The following RPH3A variants were observed in gnomAD, a reference collection of about 807,000 sequenced individuals.
The protein encoded by RPH3A is rabphilin-3A.
Under a neutral mutation model 102.2 loss-of-function variants are expected in RPH3A, and 48 were observed. The observed-to-expected ratio is 0.47, with a 90% confidence interval of 0.37 to 0.60. RPH3A has a LOEUF of 0.60. Among genes scored for constraint, RPH3A ranks in the 20% least tolerant of loss-of-function variants. The pLI is 0.00. For synonymous variants in RPH3A, 310 were observed against 324.3 expected (o/e 0.96, Z 0.47); for missense variants, 781 against 910.1 (o/e 0.86, Z 1.83).
chr12:112,757,242 G>A (rs924898674), intron 1 of RPH3A, among the ~76,000 whole-genome samples: 3 of 152,192 alleles, frequency 2.0e-5, no homozygotes, highest in African/African-American at 7.2e-5. Context: ...TTTTCATCGC[G>A]TTCTTTGATA....
rs922400463 is a variant in RPH3A at position 112,898,615 on chromosome 12, C to T, written c.*1835C>T. 2 of 152,404 alleles carry T rather than the reference C, an allele frequency of 1.3e-5. No individual in the cohort carries two copies. Among genetic ancestry groups the T allele is most frequent in the South Asian group, 2.1e-4 (1 of 4,826 alleles). 9.4% of individuals were successfully genotyped at this position (152,404 alleles called of 1,614,324 possible). Reference sequence around the variant, plus strand: ...ATCTTTCCCCATTAGTCCCTGGTGGCACCTACTCTCAGCCCACCTCCCTCA... The same window carrying T: ...ATCTTTCCCCATTAGTCCCTGGTGGTACCTACTCTCAGCCCACCTCCCTCA... On this transcript the variant is annotated 3_prime_UTR_variant, in exon 22 of 22. Coordinates refer to ENST00000389385, the MANE Select transcript of RPH3A (RefSeq NM_001143854.2).
chr12:112,818,208 G>A (rs532914109), intron 2 of RPH3A, among the ~76,000 whole-genome samples: 1 of 151,552 alleles, frequency 6.6e-6, no homozygotes, highest in East Asian at 1.9e-4. Flanking sequence ...GCTGAGGCAG[G>A]AGAATGGCGA....
chr12:112,728,852 A>G (rs896361480), intron 1 of RPH3A, among the ~76,000 whole-genome samples: 1 of 152,208 alleles, frequency 6.6e-6, no homozygotes, highest in Non-Finnish European at 1.5e-5. Context: ...TTCTCTAATG[A>G]AAGTTTGGGA....
chr12:112,871,770 T>C (rs1251719707), intron 10 of RPH3A, among the ~76,000 whole-genome samples: 1 of 149,244 alleles, frequency 6.7e-6, no homozygotes, highest in Non-Finnish European at 1.5e-5. Flanking sequence ...AAACAGTATA[T>C]ATAATATAAA....
At chr12:112,842,479 G>C (rs933288895) in intron 4 of RPH3A, among the ~76,000 whole-genome samples, 3 of 152,178 alleles carry the variant, frequency 2.0e-5, no homozygotes, top group Non-Finnish European at 4.4e-5. Flanking sequence ...ATCCAGGCAG[G>C]GCAGTGCCAG....
intron 1 of RPH3A, among the ~76,000 whole-genome samples, chr12:112,575,933 A>G (rs563594987): frequency 6.6e-6 from 1 of 152,218 alleles, no homozygotes; most frequent in East Asian, 1.9e-4. Context: ...TCCTGACAAT[A>G]TATCCTTTTG....
intron 2 of RPH3A, among the ~76,000 whole-genome samples, chr12:112,803,421 G>A (rs12306175): frequency 0.018 from 2,692 of 152,048 alleles, 75 homozygotes; most frequent in African/African-American, 0.061. Context: ...ACGCTGTGTA[G>A]GCTGCCCTGC....
rs896747880 is a variant in RPH3A at position 112,632,159 on chromosome 12, G to A, written c.-140+56840G>A. 1.1e-4 allele frequency among the ~76,000 whole-genome samples: 16 copies of A among 152,280 alleles called. No individual in the cohort carries two copies. In the South Asian group the frequency reaches 1.5e-3, roughly 14 times the overall value. ...TCTCTCTCTGCCTGCTGCCATCCATGTAAGACGTGACTTGCTCCTCCTTGC... is the reference window on the plus strand; with the variant it reads ...TCTCTCTCTGCCTGCTGCCATCCATATAAGACGTGACTTGCTCCTCCTTGC... On this transcript the variant is annotated intron_variant, in intron 1 of 21. Transcript: ENST00000543106.
rs370996656 is a variant in RPH3A at position 112,861,639 on chromosome 12, C to T, written c.231-3775C>T. ...GTGTAACTGGCATAAACCACTTAATCTTTCTGTGTCTCAGTTTTCTCATGT... is the reference window on the plus strand; with the variant it reads ...GTGTAACTGGCATAAACCACTTAATTTTTCTGTGTCTCAGTTTTCTCATGT... On this transcript the variant is annotated intron_variant, in intron 5 of 21. Transcript: ENST00000389385. Among the ~76,000 whole-genome samples, 5 of 152,326 alleles carry T rather than the reference C, an allele frequency of 3.3e-5. No homozygotes were observed. In the South Asian group the frequency reaches 1.0e-3, roughly 32 times the overall value.
At position 112,898,203 on chromosome 12, in the gene RPH3A, T is replaced by C. The variant is rs368697368; in HGVS notation, c.*1423T>C. 214 of 152,288 alleles carry C rather than the reference T, an allele frequency of 1.4e-3. 2 individuals are homozygous for C. Among genetic ancestry groups the C allele is most frequent in the African/African-American group, 5.1e-3 (210 of 41,552 alleles). The allele number at this position is 152,288 out of a possible 1,614,324, so 9.4% of individuals were successfully genotyped here. A position where few individuals can be genotyped will look rare whatever the true frequency, so the allele number is the denominator to read the frequency against. On this transcript the variant is annotated 3_prime_UTR_variant, in exon 22 of 22. Coordinates refer to ENST00000389385, the MANE Select transcript of RPH3A (RefSeq NM_001143854.2). ...TTGGGCTCATCATCAATCTTTCACT[T>C]TCTTCCTATAAAAAAAATTATTTTA...
At chr12:112,605,298 C>T (rs2039587122) in intron 1 of RPH3A, among the ~76,000 whole-genome samples, 1 of 152,144 alleles carries the variant, frequency 6.6e-6, no homozygotes, top group Non-Finnish European at 1.5e-5. Context: ...TGGCTTGAAT[C>T]CGGGAGGCAG....
At chr12:112,816,594 C>T (rs769533001) in intron 2 of RPH3A, among the ~76,000 whole-genome samples, 1 of 152,148 alleles carries the variant, frequency 6.6e-6, no homozygotes, top group Non-Finnish European at 1.5e-5. Context: ...TGTGGCCACT[C>T]CCAGCTTCCC....
intron 20 of RPH3A, among the ~76,000 whole-genome samples, chr12:112,895,062 T>A (rs928277883): frequency 6.6e-6 from 1 of 152,138 alleles, no homozygotes; most frequent in Non-Finnish European, 1.5e-5. Context: ...AAAATCAGAT[T>A]GTCTGGGAAC....
At chr12:112,749,314 G>A (rs1283767330) in intron 1 of RPH3A, among the ~76,000 whole-genome samples, 1 of 152,158 alleles carries the variant, frequency 6.6e-6, no homozygotes, top group Non-Finnish European at 1.5e-5. Flanking sequence ...ACAATGTAGT[G>A]GGATGAGCTC....
In RPH3A at chr12:112,883,136, C is replaced by G. The variant is rs114417820; in HGVS notation, c.1327-157C>G. Among the ~76,000 whole-genome samples the G allele has an allele frequency of 8.0e-3, 1,220 of 152,188 alleles. 15 individuals carry two copies. Among genetic ancestry groups the G allele is most frequent in the African/African-American group, 0.028 (1,152 of 41,528 alleles). On this transcript the variant is annotated intron_variant, in intron 15 of 21. Coordinates refer to ENST00000389385, the MANE Select transcript of RPH3A (RefSeq NM_001143854.2). ...TGTGGCCATGATCCTAGAGGACATCCCCCACTCCCTGAGAACATGCATTTG... is the reference window on the plus strand; with the variant it reads ...TGTGGCCATGATCCTAGAGGACATCGCCCACTCCCTGAGAACATGCATTTG...
chr12:112,754,074 G>A (rs1029537048), intron 1 of RPH3A, among the ~76,000 whole-genome samples: 4 of 152,258 alleles, frequency 2.6e-5, no homozygotes, highest in Admixed American at 6.5e-5. Context: ...GGAGTGCAGC[G>A]CTGACAATCC....
chr12:112,840,887 C>T (rs1314454665), intron 4 of RPH3A, among the ~76,000 whole-genome samples: 2 of 152,050 alleles, frequency 1.3e-5, no homozygotes, highest in African/African-American at 4.8e-5. Context: ...GTAGACAGGC[C>T]CTAGAGAGCC....
intron 1 of RPH3A, among the ~76,000 whole-genome samples, chr12:112,753,396 C>T (rs1400428283): frequency 6.6e-6 from 1 of 152,172 alleles, no homozygotes; most frequent in Non-Finnish European, 1.5e-5. Flanking sequence ...CTGTGGTACA[C>T]ACAGGGGAGG....
At chr12:112,665,527 A>G (rs939802004) in intron 1 of RPH3A, among the ~76,000 whole-genome samples, 1 of 152,186 alleles carries the variant, frequency 6.6e-6, no homozygotes, top group African/African-American at 2.4e-5. Context: ...AATTGTCCTT[A>G]TCTTAGAGGT....
Sources: gnomAD v4.1 joint callset for allele counts (sites outside exome capture counted in the v4.1 genomes callset) on GRCh38, gnomAD v4.1.1 for gene constraint, MANE v1.5 for transcripts, NCBI Gene and HGNC (gene_info 2026-07-23, HGNC 2026-07-21) for gene names.